Variants in BMPR1A observed in about 807,000 individuals in gnomAD.
The protein encoded by BMPR1A is bone morphogenetic protein receptor type 1A.
Under a neutral mutation model 66.0 loss-of-function variants are expected in BMPR1A, and 7 were observed. The observed-to-expected ratio is 0.11, with a 90% confidence interval of 0.06 to 0.20. The LOEUF is 0.20. Ranked by LOEUF, BMPR1A falls within the 10% of genes least tolerant of loss-of-function variation. BMPR1A has a pLI of 1.00. For synonymous variants in BMPR1A, 200 were observed against 229.7 expected, an observed-to-expected ratio of 0.87 and a Z score of 1.17; for missense variants, 408 against 669.1, an observed-to-expected ratio of 0.61 and a Z score of 4.31.
chr10:86,875,236 G>A (rs1266798638), intron 2 of BMPR1A, among the ~76,000 whole-genome samples: 2 of 151,946 alleles, frequency 1.3e-5, no homozygotes, highest in Admixed American at 6.6e-5. Flanking sequence ...AGCCGAGTGT[G>A]GTGGTGCACA....
chr10:86,814,390 A>G (rs1842007416), intron 1 of BMPR1A, among the ~76,000 whole-genome samples: 1 of 152,142 alleles, frequency 6.6e-6, no homozygotes, highest in African/African-American at 2.4e-5. Flanking sequence ...TATAAGAAAT[A>G]GGAACAATTT....
intron 1 of BMPR1A, among the ~76,000 whole-genome samples, chr10:86,774,096 C>T (rs766397331): frequency 9.2e-5 from 14 of 152,152 alleles, no homozygotes; most frequent in East Asian, 1.9e-4. Flanking sequence ...GATGATCGCC[C>T]GCCTCGGCCT....
At chr10:86,852,555 A>G (rs1842585705) in intron 2 of BMPR1A, among the ~76,000 whole-genome samples, 1 of 152,206 alleles carries the variant, frequency 6.6e-6, no homozygotes, top group Non-Finnish European at 1.5e-5. Flanking sequence ...TACAGAGCGC[A>G]AGACCTTATT....
In BMPR1A at chr10:86,767,674, C is replaced by T. The variant is rs551948224; in HGVS notation, c.-268+10755C>T. Among the ~76,000 whole-genome samples the T allele has an allele frequency of 2.6e-5, 4 of 152,268 alleles. 1 individual carries two copies. Among genetic ancestry groups the T allele is most frequent in the Admixed American group, 6.5e-5 (1 of 15,284 alleles). Reference sequence around the variant, plus strand: ...CCTGAGTGACAAAGCAAGACCCTGTCTCAAACAAACAAAACATATATTTTA... The same window carrying T: ...CCTGAGTGACAAAGCAAGACCCTGTTTCAAACAAACAAAACATATATTTTA... On this transcript the variant is annotated intron_variant, in intron 1 of 12. Transcript: ENST00000372037.
chr10:86,874,851 A>T, intron 2 of BMPR1A, among the ~76,000 whole-genome samples: 1 of 148,842 alleles, frequency 6.7e-6, no homozygotes, highest in Non-Finnish European at 1.5e-5. Context: ...CAGCCTCCTG[A>T]GTAGCTGGGA....
At chr10:86,788,816 A>G (rs975743813) in intron 1 of BMPR1A, among the ~76,000 whole-genome samples, 4 of 152,234 alleles carry the variant, frequency 2.6e-5, no homozygotes, top group Middle Eastern at 6.8e-3. Context: ...CATATTGGCC[A>G]GGCTGGTCTC....
At chr10:86,823,336 C>G (rs1842146553) in intron 1 of BMPR1A, among the ~76,000 whole-genome samples, 1 of 152,188 alleles carries the variant, frequency 6.6e-6, no homozygotes, top group African/African-American at 2.4e-5. Context: ...TGGCACTGTT[C>G]TAAGTGCCAT....
At chr10:86,804,374 G>T (rs1462226792) in intron 1 of BMPR1A, among the ~76,000 whole-genome samples, 1 of 151,942 alleles carries the variant, frequency 6.6e-6, no homozygotes, top group Non-Finnish European at 1.5e-5. Context: ...CTGGTAGCTG[G>T]GACTACAGGC....
chr10:86,807,343 A>G (rs1841901828), intron 1 of BMPR1A, among the ~76,000 whole-genome samples: 1 of 151,780 alleles, frequency 6.6e-6, no homozygotes, highest in African/African-American at 2.4e-5. Context: ...AGTATAATTT[A>G]TGGATTTGTG....
intron 3 of BMPR1A, among the ~76,000 whole-genome samples, chr10:86,883,161 C>T (rs551309876): frequency 1.3e-5 from 2 of 152,114 alleles, no homozygotes; most frequent in South Asian, 4.2e-4. Flanking sequence ...CTTGGATTAT[C>T]GTGGGTAATT....
At chr10:86,903,918 T>G (rs1843348007) in intron 7 of BMPR1A, among the ~76,000 whole-genome samples, 1 of 151,662 alleles carries the variant, frequency 6.6e-6, no homozygotes, top group Non-Finnish European at 1.5e-5. Context: ...TTATTTTTAT[T>G]TTTGAGACAA....
chr10:86,813,593 T>C (rs1442175124), intron 1 of BMPR1A, among the ~76,000 whole-genome samples: 1 of 152,198 alleles, frequency 6.6e-6, no homozygotes, highest in Non-Finnish European at 1.5e-5. Context: ...ACAATACTAA[T>C]ATATCCACCA....
At chr10:86,905,181 C>G (rs1843368326) in intron 7 of BMPR1A, among the ~76,000 whole-genome samples, 1 of 152,200 alleles carries the variant, frequency 6.6e-6, no homozygotes, top group African/African-American at 2.4e-5. Context: ...CATTTACATT[C>G]ATGACCCATG....
At chr10:86,790,663 A>G (rs868327284) in intron 1 of BMPR1A, among the ~76,000 whole-genome samples, 6 of 139,208 alleles carry the variant, frequency 4.3e-5, no homozygotes, top group African/African-American at 4.9e-5. Context: ...TTTTGAAAAC[A>G]TTAATGCAGG....
Position 86,917,320 on chromosome 10 carries a change from A to G in BMPR1A, c.862A>G (p.Ile288Val). ...AACTGTGCTAATGCGCCATGAAAAC[A>G]TACTTGGTGGGTACACACTGATTCA... is the stretch of plus-strand genomic sequence containing the variant. ...YQTVLMRHEN[I>V]LGFIAADIKG... The change falls in exon 9 of 13, where the codon ATA becomes GTA. Residue 288 changes from isoleucine (I) to valine (V), a missense_variant. By Grantham distance (29) the Ile-to-Val change is conservative. Around this residue, in one of 5 missense-constraint regions of BMPR1A, gnomAD observed 174 missense variants for 265.1 expected, o/e 0.66. Transcript: ENST00000372037. The G allele has an allele frequency of 1.2e-6, 2 of 1,614,180 alleles. No homozygotes were observed. Among genetic ancestry groups the G allele is most frequent in the East Asian group, 4.5e-5 (2 of 44,882 alleles).
chr10:86,884,394 ATTTTTTTTTTTTTTTTTT>A (rs759424209), intron 3 of BMPR1A, among the ~76,000 whole-genome samples: 44 of 49,348 alleles, frequency 8.9e-4, no homozygotes, highest in Admixed American at 1.9e-3. Context: ...CAAACACATG[ATTTTTTTTTTTTTTTTTT>A]TTTTTTTTTT....
intron 1 of BMPR1A, among the ~76,000 whole-genome samples, chr10:86,813,584 C>CAATACTAAT (rs1453617276): frequency 6.6e-6 from 1 of 152,162 alleles, no homozygotes; most frequent in Non-Finnish European, 1.5e-5. Context: ...TACAAAACAA[C>CAATACTAAT]AATACTAATA....
chr10:86,800,295 C>T (rs551368709), intron 1 of BMPR1A, among the ~76,000 whole-genome samples: 20 of 152,284 alleles, frequency 1.3e-4, no homozygotes, highest in Admixed American at 4.6e-4. Context: ...TGCCATCACT[C>T]ACTGCATTTG....
intron 1 of BMPR1A, among the ~76,000 whole-genome samples, chr10:86,800,644 C>T (rs1044703213): frequency 4.2e-4 from 64 of 152,268 alleles, no homozygotes; most frequent in African/African-American, 1.3e-3. Flanking sequence ...CCACCCGCCT[C>T]GGCCTCCCAA....
Sources: allele counts gnomAD v4.1 joint callset (sites outside exome capture counted in the v4.1 genomes callset), GRCh38; gene constraint gnomAD v4.1.1; regional missense constraint gnomAD v4.1.1; transcripts MANE v1.5; gene names NCBI Gene and HGNC (gene_info 2026-07-23, HGNC 2026-07-21).